KCNH7: variants seen among roughly 807,000 people sequenced by gnomAD.
KCNH7 encodes the protein voltage-gated inwardly rectifying potassium channel KCNH7.
Under a neutral mutation model 120.8 loss-of-function variants are expected in KCNH7, and 49 were observed. The ratio of observed to expected loss-of-function variants is 0.41; its 90% CI spans 0.32 to 0.51. The LOEUF is 0.51. Among genes scored for constraint, KCNH7 ranks in the 20% least tolerant of loss-of-function variants. KCNH7 has a pLI of 0.38. For synonymous variants in KCNH7, 547 were observed against 516.1 expected (o/e 1.06, Z -0.81); for missense variants, 1,097 against 1,446.6 (o/e 0.76, Z 3.92).
chr2:162,593,821 T>G (rs1165106750), intron 2 of KCNH7, among the ~76,000 whole-genome samples: 1 of 151,932 alleles, frequency 6.6e-6, no homozygotes, highest in Admixed American at 6.6e-5. Context: ...GCTGAAAAAA[T>G]TTTGAAACTT....
intron 6 of KCNH7, among the ~76,000 whole-genome samples, chr2:162,473,217 T>A (rs568790135): frequency 2.2e-4 from 33 of 151,494 alleles, no homozygotes; most frequent in Non-Finnish European, 4.3e-4. Context: ...ACTTAAAGTA[T>A]AATTTAAAAA....
At chr2:162,383,712 C>T (rs1486747724) in intron 13 of KCNH7, among the ~76,000 whole-genome samples, 2 of 151,934 alleles carry the variant, frequency 1.3e-5, no homozygotes, top group African/African-American at 4.8e-5. Flanking sequence ...CTAATCTTTA[C>T]ATTTTTATAC....
chr2:162,792,416 CT>C (rs1165745195), intron 2 of KCNH7, among the ~76,000 whole-genome samples: 1 of 151,720 alleles, frequency 6.6e-6, no homozygotes, highest in Non-Finnish European at 1.5e-5. Flanking sequence ...CTGGCCCTGG[CT>C]TTTTTTGGTT....
rs192959449 is a variant in KCNH7 at position 162,679,471 on chromosome 2, A to G, written c.308-142391T>C. 1.9e-3 allele frequency among the ~76,000 whole-genome samples: 288 copies of G among 151,752 alleles called. 2 individuals carry two copies. The highest frequency in any genetic ancestry group is 3.1e-3 in the Non-Finnish European group (213 of 67,728). On this transcript the variant is annotated intron_variant, in intron 2 of 15. Transcript: ENST00000332142. Reference sequence around the variant, plus strand: ...GATTATTAAACCTTTAAAAACTCCTAAAGTTAAGACTATTATTCTATACTA... The same window carrying G: ...GATTATTAAACCTTTAAAAACTCCTGAAGTTAAGACTATTATTCTATACTA...
rs185159847 is a variant in KCNH7, at chr2:162,579,280, T to C, written c.308-42200A>G. Among the ~76,000 whole-genome samples, 204 of 152,132 alleles carry C rather than the reference T, an allele frequency of 1.3e-3. 2 individuals are homozygous for C. In the East Asian group the frequency reaches 0.029, roughly 22 times the overall value. On this transcript the variant is annotated intron_variant, in intron 2 of 15. Coordinates refer to ENST00000332142, the MANE Select transcript of KCNH7 (RefSeq NM_033272.4). The stretch of plus-strand genomic sequence containing the variant: ...ATGCTAAAGTGGTCCCTTGGCTCCC[T>C]TGTAGGCTGAGCCACTTTTTAGTCT...
chr2:162,643,228 C>CT (rs1228942492), intron 2 of KCNH7, among the ~76,000 whole-genome samples: 1 of 151,616 alleles, frequency 6.6e-6, no homozygotes, highest in Non-Finnish European at 1.5e-5. Context: ...AGCAGACTGG[C>CT]TCAGAGCAGC....
chr2:162,559,828 T>C (rs1369920133), intron 2 of KCNH7, among the ~76,000 whole-genome samples: 1 of 152,216 alleles, frequency 6.6e-6, no homozygotes, highest in African/African-American at 2.4e-5. Context: ...GAGGTGGCTG[T>C]GTGCCTGAAG....
intron 2 of KCNH7, among the ~76,000 whole-genome samples, chr2:162,755,562 G>T (rs1257382336): frequency 6.6e-6 from 1 of 152,150 alleles, no homozygotes; most frequent in African/African-American, 2.4e-5. Context: ...ACTCAGGAGT[G>T]TTTAGTTAGA....
intron 6 of KCNH7, among the ~76,000 whole-genome samples, chr2:162,453,850 T>C (rs1309308754): frequency 6.6e-6 from 1 of 152,190 alleles, no homozygotes; most frequent in Non-Finnish European, 1.5e-5. Flanking sequence ...AGATTCTAGA[T>C]ATTAGAACTT....
intron 2 of KCNH7, among the ~76,000 whole-genome samples, chr2:162,559,380 G>A (rs987748686): frequency 6.6e-6 from 1 of 152,132 alleles, no homozygotes; most frequent in Non-Finnish European, 1.5e-5. Context: ...AGTCAGCTGC[G>A]ATCAGTAACA....
intron 2 of KCNH7, among the ~76,000 whole-genome samples, chr2:162,545,641 C>T (rs556309600): frequency 6.6e-6 from 1 of 152,248 alleles, no homozygotes; most frequent in South Asian, 2.1e-4. Flanking sequence ...ATGATTTCCT[C>T]ATAAGCTTGT....
At chr2:162,752,869 C>G (rs1414160980) in intron 2 of KCNH7, among the ~76,000 whole-genome samples, 1 of 136,928 alleles carries the variant, frequency 7.3e-6, no homozygotes, top group Non-Finnish European at 1.6e-5. Context: ...CCATTGCACT[C>G]CAGCCTGGGC....
chr2:162,616,523 G>T (rs1033717380), intron 2 of KCNH7, among the ~76,000 whole-genome samples: 12 of 152,166 alleles, frequency 7.9e-5, no homozygotes, highest in African/African-American at 2.9e-4. Flanking sequence ...TTCCTCATCT[G>T]TAGAGTGAGT....
intron 12 of KCNH7, among the ~76,000 whole-genome samples, chr2:162,388,119 C>T (rs953003312): frequency 6.6e-5 from 10 of 151,570 alleles, no homozygotes; most frequent in African/African-American, 2.4e-4. Context: ...TTTAGGCCTC[C>T]TATAGCTCTA....
intron 11 of KCNH7, 31 bp from the exon 12 acceptor site, chr2:162,394,516 A>C: frequency 8.1e-7 from 1 of 1,239,246 alleles, no homozygotes; most frequent in Non-Finnish European, 1.2e-6. Context: ...GATAAAATGA[A>C]AGATTACTGA....
intron 2 of KCNH7, among the ~76,000 whole-genome samples, chr2:162,703,553 C>T (rs768049885): frequency 6.6e-6 from 1 of 152,062 alleles, no homozygotes; most frequent in South Asian, 2.1e-4. Flanking sequence ...TAAATGTTTG[C>T]ATTACAGTAA....
chr2:162,656,001 A>G (rs1684749099), intron 2 of KCNH7, among the ~76,000 whole-genome samples: 1 of 152,320 alleles, frequency 6.6e-6, no homozygotes, highest in Admixed American at 6.5e-5. Context: ...TACATTTTAA[A>G]AAGATACAAC....
intron 2 of KCNH7, among the ~76,000 whole-genome samples, chr2:162,762,830 A>C (rs1448792778): frequency 6.6e-6 from 1 of 152,106 alleles, no homozygotes; most frequent in Non-Finnish European, 1.5e-5. Flanking sequence ...GGAAACTGTA[A>C]AGGTATAGGT....
intron 2 of KCNH7, among the ~76,000 whole-genome samples, chr2:162,826,270 G>A (rs767515128): frequency 1.2e-4 from 19 of 152,100 alleles, no homozygotes; most frequent in Non-Finnish European, 2.1e-4. Flanking sequence ...GTATTTAACT[G>A]AGGAGATCCA....
Sources: allele counts gnomAD v4.1 joint callset (sites outside exome capture counted in the v4.1 genomes callset), GRCh38; gene constraint gnomAD v4.1.1; transcripts MANE v1.5; gene names NCBI Gene and HGNC (gene_info 2026-07-23, HGNC 2026-07-21).